The following TRAK1 variants were observed in gnomAD, a reference collection of about 807,000 sequenced individuals.
The protein encoded by TRAK1 is trafficking kinesin-binding protein 1.
Under a neutral mutation model 92.1 loss-of-function variants are expected in TRAK1, and 33 were observed. The ratio of observed to expected loss-of-function variants is 0.36; its 90% CI spans 0.27 to 0.48. The LOEUF is 0.48. TRAK1 is among the 20% of genes least tolerant of loss of function. The pLI, the probability that TRAK1 is intolerant of heterozygous loss-of-function variation, is 0.99. For synonymous variants in TRAK1, 521 were observed against 517.3 expected (o/e 1.01, Z -0.10); for missense variants, 1,123 against 1,257.9 (o/e 0.89, Z 1.62).
upstream of TRAK1, among the ~76,000 whole-genome samples, chr3:42,084,812 T>G (rs1042610413): frequency 6.6e-6 from 1 of 150,688 alleles, no homozygotes; most frequent in Non-Finnish European, 1.5e-5. Context: ...TTTTTTTTTT[T>G]TTCCTTATGC....
At chr3:42,149,168 C>G (rs1035761801) in intron 2 of TRAK1, 4 of 1,025,832 alleles carry the variant, frequency 3.9e-6, no homozygotes, top group Non-Finnish European at 4.7e-6. Flanking sequence ...AGTGAGACAG[C>G]CAGTGGTGGT....
intron 1 of TRAK1, among the ~76,000 whole-genome samples, chr3:42,027,558 G>A (rs1328130959): frequency 2.6e-5 from 4 of 151,342 alleles, no homozygotes; most frequent in African/African-American, 4.9e-5. Context: ...TAATCCAGGC[G>A]TTTTTCTTCA....
intron 1 of TRAK1, among the ~76,000 whole-genome samples, chr3:42,092,196 TC>T (rs1306822441): frequency 6.6e-6 from 1 of 152,120 alleles, no homozygotes; most frequent in Non-Finnish European, 1.5e-5. Context: ...GGCTTGTGTC[TC>T]TTGCTGTGGG....
At chr3:42,208,295 G>A (rs1708564619) in intron 13 of TRAK1, among the ~76,000 whole-genome samples, 1 of 152,160 alleles carries the variant, frequency 6.6e-6, no homozygotes, top group South Asian at 2.1e-4. Context: ...CTTTAAACAT[G>A]TATTGGCAGT....
At position 42,219,553 on chromosome 3, in the gene TRAK1, C is replaced by A; in HGVS notation, c.2023C>A (p.Arg675Ser). ...TNSTFTFTTCRILHPSDELTR... is the reference protein window; with the variant it reads ...TNSTFTFTTCSILHPSDELTR... ...CTCCACCTTCACCTTCACCACCTGT[C>A]GCATCCTGCATCCTTCAGATGAGCT... The change falls in exon 15 of 16, where the codon CGC becomes AGC. Residue 675 changes from arginine to serine, a missense_variant. Physicochemically the swap from Arg to Ser is moderately radical, Grantham distance 110. Coordinates refer to ENST00000327628, the MANE Select transcript of TRAK1 (RefSeq NM_001042646.3). 1 of 1,613,890 alleles carries A rather than the reference C, an allele frequency of 6.2e-7. No homozygotes were observed.
chr3:42,081,483 C>T (rs1704436943), intron 1 of TRAK1, among the ~76,000 whole-genome samples: 1 of 152,170 alleles, frequency 6.6e-6, no homozygotes, highest in Non-Finnish European at 1.5e-5. Flanking sequence ...TACTTAGTAC[C>T]TAATATGTGC....
upstream of TRAK1, chr3:42,091,346 C>A: frequency 1.2e-6 from 1 of 822,950 alleles, no homozygotes; most frequent in Non-Finnish European, 1.9e-6. Context: ...TTTGCCCTAA[C>A]AAGCAAACTC....
chr3:42,109,629 A>G (rs999155612), intron 1 of TRAK1, among the ~76,000 whole-genome samples: 1 of 152,166 alleles, frequency 6.6e-6, no homozygotes. Flanking sequence ...TGTTCCTGAA[A>G]ACATTGTGTG....
At chr3:42,112,749 A>AG (rs1708612989) in intron 1 of TRAK1, among the ~76,000 whole-genome samples, 5 of 134,868 alleles carry the variant, frequency 3.7e-5, no homozygotes, top group Non-Finnish European at 8.2e-5. Context: ...AAAAAAAAAA[A>AG]AAAAAAACCA....
chr3:42,123,556 G>T (rs1020239073), intron 1 of TRAK1, among the ~76,000 whole-genome samples: 1 of 152,250 alleles, frequency 6.6e-6, no homozygotes, highest in Admixed American at 6.5e-5. Context: ...AGACATGCAC[G>T]CATGTGCGAG....
At chr3:42,211,836 C>G in intron 14 of TRAK1, 1 of 985,396 alleles carries the variant, frequency 1.0e-6, no homozygotes, top group Non-Finnish European at 1.2e-6. Flanking sequence ...GCAAATTCAT[C>G]CTAGCAACGT....
chr3:42,147,338 G>A (rs1699443170), intron 2 of TRAK1, among the ~76,000 whole-genome samples: 2 of 152,318 alleles, frequency 1.3e-5, no homozygotes, highest in East Asian at 1.9e-4. Flanking sequence ...CAGAAAGAAT[G>A]TGCAGTTTGG....
At chr3:42,099,596 G>A (rs143873975) in intron 1 of TRAK1, among the ~76,000 whole-genome samples, 17 of 152,326 alleles carry the variant, frequency 1.1e-4, no homozygotes, top group South Asian at 8.3e-4. Flanking sequence ...TCAAACCCCA[G>A]CCACGCAGAG....
upstream of TRAK1, among the ~76,000 whole-genome samples, chr3:42,088,551 C>G (rs1307093609): frequency 6.6e-6 from 1 of 152,228 alleles, no homozygotes; most frequent in Admixed American, 6.5e-5. Context: ...GAATCCTTCT[C>G]AGTCCCGTGT....
intron 2 of TRAK1, among the ~76,000 whole-genome samples, chr3:42,144,328 C>T (rs922515775): frequency 2.6e-4 from 40 of 152,058 alleles, no homozygotes; most frequent in African/African-American, 9.2e-4. Context: ...ATTGCAAACT[C>T]TCTTTGTCCC....
intron 2 of TRAK1, among the ~76,000 whole-genome samples, chr3:42,154,064 T>C (rs536531823): frequency 1.3e-5 from 2 of 152,364 alleles, no homozygotes; most frequent in African/African-American, 4.8e-5. Context: ...CTCTCTGACA[T>C]AGGAGCTGAG....
chr3:42,052,909 G>A (rs972314784), intron 1 of TRAK1, among the ~76,000 whole-genome samples: 8 of 152,152 alleles, frequency 5.3e-5, no homozygotes, highest in Admixed American at 1.3e-4. Context: ...CGTAGTCCCC[G>A]AAGAAGTCAT....
upstream of TRAK1, among the ~76,000 whole-genome samples, chr3:42,088,106 A>G (rs1704776966): frequency 6.6e-6 from 1 of 152,210 alleles, no homozygotes; most frequent in Admixed American, 6.5e-5. Flanking sequence ...GCATTCATAT[A>G]GAAGTTTGCT....
chr3:42,200,986 C>A lies in TRAK1; in HGVS notation c.1359C>A (p.Asp453Glu). 6.2e-7 allele frequency: 1 copy of A among 1,614,224 alleles called. No homozygotes were observed. The highest frequency in any genetic ancestry group is 8.5e-7 in the Non-Finnish European group (1 of 1,180,040). Residue 453 changes from aspartate (D) to glutamate (E), a missense_variant, in exon 12 of 16, where the codon GAC (aspartate) becomes GAA (glutamate). By Grantham distance (45) the Asp-to-Glu change is conservative. Transcript: ENST00000327628. ...CCCGGTCCAGCTTCTACGGCAGCGACATAGGCAACGTCGTCCTCGACAACA... is the reference window on the plus strand; with the variant it reads ...CCCGGTCCAGCTTCTACGGCAGCGAAATAGGCAACGTCGTCCTCGACAACA... ...STPRSSFYGS[D>E]IGNVVLDNKT...
Sources: allele counts gnomAD v4.1 joint callset (sites outside exome capture counted in the v4.1 genomes callset), GRCh38; gene constraint gnomAD v4.1.1; transcripts MANE v1.5; gene names NCBI Gene and HGNC (gene_info 2026-07-23, HGNC 2026-07-21).